Variants in SEC14L1 observed in about 807,000 individuals in gnomAD.
The protein encoded by SEC14L1 is SEC14 like lipid binding 1, also known as SEC14-like protein 1.
A neutral mutation model predicts 85.3 loss-of-function variants in SEC14L1; 48 were observed. The observed-to-expected ratio is 0.56, with a 90% CI of 0.45 to 0.72. The LOEUF is 0.72. SEC14L1 is among the 30% of genes least tolerant of loss of function. The probability of loss-of-function intolerance (pLI) is 0.00; values close to 1 mark genes in which losing one functional copy is unlikely to be tolerated. For synonymous variants in SEC14L1, 391 were observed against 355.5 expected (o/e 1.10, Z -1.12); for missense variants, 682 against 921.4 (o/e 0.74, Z 3.36).
intron 3 of SEC14L1, among the ~76,000 whole-genome samples, chr17:77,170,327 C>T (rs1012630509): frequency 1.3e-5 from 2 of 151,974 alleles, no homozygotes; most frequent in South Asian, 4.2e-4. Flanking sequence ...ATGAGTGCAA[C>T]CGTTTTTGGT....
At chr17:77,106,035 A>G (rs2143338676) in intron 3 of SEC14L1, among the ~76,000 whole-genome samples, 1 of 151,716 alleles carries the variant, frequency 6.6e-6, no homozygotes, top group South Asian at 2.1e-4. Flanking sequence ...TCGTCTACCT[A>G]ATTTTGCCAC....
intron 3 of SEC14L1, among the ~76,000 whole-genome samples, chr17:77,125,407 A>G (rs1972419773): frequency 6.6e-6 from 1 of 151,460 alleles, no homozygotes; most frequent in Non-Finnish European, 1.5e-5. Flanking sequence ...ATTTTAGCTT[A>G]GTCCTTAGAT....
intron 3 of SEC14L1, 89 bp from the exon 4 acceptor site, chr17:77,190,714 A>C (rs768086143): frequency 1.6e-5 from 21 of 1,348,794 alleles, no homozygotes; most frequent in Non-Finnish European, 2.2e-5. Flanking sequence ...GTGCACCGAG[A>C]GGTGCTGTTC....
intron 3 of SEC14L1, among the ~76,000 whole-genome samples, chr17:77,117,118 C>T (rs530490768): frequency 2.6e-5 from 4 of 152,090 alleles, no homozygotes; most frequent in Non-Finnish European, 4.4e-5. Context: ...GAGGCCGAGG[C>T]GGGTGGATCA....
rs1039408986 is a variant in SEC14L1 at position 77,214,790 on chromosome 17, G to A, written c.*767G>A. On this transcript the variant is annotated 3_prime_UTR_variant, in exon 17 of 17. Coordinates refer to ENST00000436233, the MANE Select transcript of SEC14L1 (RefSeq NM_001143998.2). ...GAACTTGGGTGGGGGGGTTCTTCCCGTTTCCTTCCGTGCGTCGCCCCTCTC... is the reference window on the plus strand; with the variant it reads ...GAACTTGGGTGGGGGGGTTCTTCCCATTTCCTTCCGTGCGTCGCCCCTCTC... 29 of 985,308 alleles carry A rather than the reference G, an allele frequency of 2.9e-5. No individual in the cohort carries two copies. The highest frequency in any genetic ancestry group is 3.5e-5 in the African/African-American group (2 of 57,162). 61.0% of individuals were successfully genotyped at this position (985,308 alleles called of 1,614,324 possible). A position where few individuals can be genotyped will look rare whatever the true frequency, so the allele number is the denominator to read the frequency against.
At chr17:77,089,637 C>T in intron 2 of SEC14L1, 1 of 381,094 alleles carries the variant, frequency 2.6e-6, no homozygotes, top group Non-Finnish European at 5.2e-6. Flanking sequence ...GTTACGGATA[C>T]AGAGATGAAG....
intron 7 of SEC14L1, among the ~76,000 whole-genome samples, chr17:77,195,602 C>T (rs1266707584): frequency 6.6e-6 from 1 of 152,180 alleles, no homozygotes; most frequent in African/African-American, 2.4e-5. Flanking sequence ...ATTCTCCTGC[C>T]TAAGCCTCTT....
At chr17:77,128,903 T>C (rs1243973641) in intron 3 of SEC14L1, among the ~76,000 whole-genome samples, 4 of 152,226 alleles carry the variant, frequency 2.6e-5, no homozygotes, top group Non-Finnish European at 4.4e-5. Flanking sequence ...TTATAGACAA[T>C]GGTTTGCCAA....
intron 3 of SEC14L1, among the ~76,000 whole-genome samples, chr17:77,173,287 C>G (rs148667648): frequency 4.6e-5 from 7 of 151,210 alleles, no homozygotes; most frequent in African/African-American, 2.4e-5. Context: ...TGTCTCGCAC[C>G]GAAGTCTTCC....
intron 3 of SEC14L1, among the ~76,000 whole-genome samples, chr17:77,097,755 A>G (rs1480487669): frequency 6.6e-6 from 1 of 152,128 alleles, no homozygotes; most frequent in Non-Finnish European, 1.5e-5. Flanking sequence ...ATTGCTGGAT[A>G]TGTTAAAATA....
Position 77,157,716 on chromosome 17 carries a change from C to T in SEC14L1, c.63+14057C>T, listed in dbSNP as rs933557299. Among the ~76,000 whole-genome samples, 181 of 152,082 alleles carry T rather than the reference C, an allele frequency of 1.2e-3. 1 individual carries two copies. Among genetic ancestry groups the T allele is most frequent in the Non-Finnish European group, 2.1e-4 (14 of 67,984 alleles). Reference sequence around the variant, plus strand: ...CTAATTTTTGTATTTTTAGTAGAGACGGGGTTTCACCATGTTGGTCAGGCT... The same window carrying T: ...CTAATTTTTGTATTTTTAGTAGAGATGGGGTTTCACCATGTTGGTCAGGCT... On this transcript the variant is annotated intron_variant, in intron 3 of 16. Transcript: ENST00000436233.
At position 77,215,351 on chromosome 17, in the gene SEC14L1, C is replaced by A; in HGVS notation, c.*1328C>A. On this transcript the variant is annotated 3_prime_UTR_variant, in exon 17 of 17. Coordinates refer to ENST00000436233, the MANE Select transcript of SEC14L1 (RefSeq NM_001143998.2). ...GCCTCCACGATAAGGACATGCAACA[C>A]GTGTTTCTGTGTGCAGCAGAGGCCG... is the stretch of plus-strand genomic sequence containing the variant. 5.1e-6 allele frequency: 5 copies of A among 985,402 alleles called. No individual in the cohort carries two copies. Among genetic ancestry groups the A allele is most frequent in the Non-Finnish European group, 6.0e-6 (5 of 829,940 alleles). The allele number at this position is 985,402 out of a possible 1,614,324, so 61.0% of individuals were successfully genotyped here.
At chr17:77,184,556 A>G (rs964678522) in intron 3 of SEC14L1, among the ~76,000 whole-genome samples, 13 of 151,980 alleles carry the variant, frequency 8.6e-5, no homozygotes, top group Non-Finnish European at 1.6e-4. Flanking sequence ...TGGTGAGTGG[A>G]GCCCCTTCAG....
chr17:77,106,648 C>T (rs1269012793), intron 3 of SEC14L1, among the ~76,000 whole-genome samples: 2 of 151,830 alleles, frequency 1.3e-5, no homozygotes, highest in Non-Finnish European at 2.9e-5. Context: ...CTGGGCAACA[C>T]AGCGAGACTC....
intron 3 of SEC14L1, among the ~76,000 whole-genome samples, chr17:77,169,768 C>A (rs1974446750): frequency 6.6e-6 from 1 of 152,058 alleles, no homozygotes; most frequent in African/African-American, 2.4e-5. Context: ...ATATTAGCTC[C>A]TGGGCCATAG....
At chr17:77,203,872 G>T (rs79499935) in intron 10 of SEC14L1, among the ~76,000 whole-genome samples, 7,974 of 152,104 alleles carry the variant, frequency 0.052, 318 homozygotes, top group Admixed American at 0.12. Context: ...AGGCAGTCAG[G>T]GTCTCCCCCG....
intron 3 of SEC14L1, among the ~76,000 whole-genome samples, chr17:77,166,705 G>A (rs764079035): frequency 6.6e-6 from 1 of 152,078 alleles, no homozygotes; most frequent in Non-Finnish European, 1.5e-5. Context: ...CAGGCTGGGT[G>A]GCGCACACCT....
intron 3 of SEC14L1, among the ~76,000 whole-genome samples, chr17:77,178,153 C>T (rs1449583393): frequency 1.4e-5 from 2 of 139,722 alleles, no homozygotes; most frequent in Non-Finnish European, 3.0e-5. Flanking sequence ...AATCTTAAAG[C>T]GGATGGAGCT....
intron 3 of SEC14L1, among the ~76,000 whole-genome samples, chr17:77,105,349 C>A (rs1971884514): frequency 6.6e-6 from 1 of 150,566 alleles, no homozygotes; most frequent in African/African-American, 2.4e-5. Flanking sequence ...GTGACTCTAG[C>A]CTGTGACATG....
Sources: allele counts gnomAD v4.1 joint callset (sites outside exome capture counted in the v4.1 genomes callset), GRCh38; gene constraint gnomAD v4.1.1; transcripts MANE v1.5; gene names NCBI Gene and HGNC (gene_info 2026-07-23, HGNC 2026-07-21).